Variants in MAD1L1 observed in about 807,000 individuals in gnomAD.
MAD1L1 encodes mitotic spindle assembly checkpoint protein MAD1.
A neutral mutation model predicts 96.9 loss-of-function variants in MAD1L1; 95 were observed. The ratio of observed to expected loss-of-function variants is 0.98; its 90% confidence interval spans 0.83 to 1.16. The LOEUF is 1.16. MAD1L1 is among the 50% of genes most tolerant of loss of function. The probability of loss-of-function intolerance (pLI) is 0.00; values close to 1 mark genes in which losing one functional copy is unlikely to be tolerated. For synonymous variants in MAD1L1, 473 were observed against 396.6 expected (o/e 1.19, Z -2.29); for missense variants, 1,007 against 954.4 (o/e 1.06, Z -0.73).
chr7:2,202,941 T>C (rs563899789), intron 10 of MAD1L1, among the ~76,000 whole-genome samples: 2 of 152,322 alleles, frequency 1.3e-5, no homozygotes, highest in Admixed American at 1.3e-4. Context: ...AGGTCAGCAC[T>C]GACAGGTGCC....
chr7:2,200,315 G>A (rs73289799), intron 10 of MAD1L1: 4,042 of 152,562 alleles, frequency 0.026, 169 homozygotes, highest in African/African-American at 0.092. Flanking sequence ...CCCACCAGAC[G>A]AAAGTCCCAT....
chr7:2,043,301 C>G (rs751914220), intron 12 of MAD1L1, among the ~76,000 whole-genome samples: 1 of 152,224 alleles, frequency 6.6e-6, no homozygotes, highest in Non-Finnish European at 1.5e-5. Flanking sequence ...TCCTGTGGTT[C>G]CCCTCCTGAC....
chr7:1,943,775 C>T (rs556008402), intron 16 of MAD1L1, among the ~76,000 whole-genome samples: 10 of 152,092 alleles, frequency 6.6e-5, no homozygotes, highest in East Asian at 1.9e-4. Context: ...CAGACTCGTC[C>T]GTGAATGTTC....
In MAD1L1 at chr7:2,088,883, T is replaced by G. The variant is rs1346931841; in HGVS notation, c.1074-19545A>C. On this transcript the variant is annotated intron_variant, in intron 11 of 18. Transcript: ENST00000265854. This position sits in a 1 kb window ranked among gnomAD's most constrained non-coding sequence, Gnocchi z 4.4. ...ACCCTCTGCCACCGACCCGCACGCC[T>G]CCCACACAAGCTGCCAGGCCCACGG... is the stretch of plus-strand genomic sequence containing the variant. 1 of 152,202 alleles carries G rather than the reference T, an allele frequency of 6.6e-6. No homozygotes were observed. Among genetic ancestry groups the G allele is most frequent in the African/African-American group, 2.4e-5 (1 of 41,416 alleles). The allele number at this position is 152,202 out of a possible 1,614,324, so 9.4% of individuals were successfully genotyped here. A position where few individuals can be genotyped will look rare whatever the true frequency, so the allele number is the denominator to read the frequency against.
At chr7:2,026,826 A>C (rs981283197) in intron 12 of MAD1L1, among the ~76,000 whole-genome samples, 3 of 152,242 alleles carry the variant, frequency 2.0e-5, no homozygotes, top group African/African-American at 7.2e-5. Context: ...TAACACAAGA[A>C]AGGATAAATA....
chr7:2,220,939 C>A, intron 5 of MAD1L1: 3 of 1,612,420 alleles, frequency 1.9e-6, no homozygotes, highest in Non-Finnish European at 2.5e-6. Flanking sequence ...CACAGGGTCA[C>A]CCGTGTTGTA....
At chr7:1,871,693 AACACCTGCCACGCTGAAGCCAACAT>A (rs1562477215) in intron 18 of MAD1L1, among the ~76,000 whole-genome samples, 14 of 145,328 alleles carry the variant, frequency 9.6e-5, no homozygotes, top group Admixed American at 6.9e-4. Context: ...AACCCAACAT[AACACCTGCCACGCTGAAGCCAACAT>A]ACACCTGCCA....
At chr7:1,830,926 G>A (rs1383442988) in intron 18 of MAD1L1, among the ~76,000 whole-genome samples, 1 of 152,158 alleles carries the variant, frequency 6.6e-6, no homozygotes, top group Non-Finnish European at 1.5e-5. Flanking sequence ...AATGTAAATG[G>A]CCCAGTGAAA....
chr7:1,856,471 C>T (rs1784259325), intron 18 of MAD1L1, among the ~76,000 whole-genome samples: 2 of 152,244 alleles, frequency 1.3e-5, no homozygotes, highest in Admixed American at 1.3e-4. Flanking sequence ...GAGCACCGCC[C>T]ACCCCCACAG....
intron 10 of MAD1L1, among the ~76,000 whole-genome samples, chr7:2,198,896 C>T (rs912302481): frequency 2.6e-5 from 4 of 152,256 alleles, no homozygotes; most frequent in African/African-American, 9.6e-5. Flanking sequence ...GGTTCCAAAG[C>T]TCCAGCCACT....
chr7:1,976,103 T>G (rs1452431769), intron 15 of MAD1L1, among the ~76,000 whole-genome samples: 1 of 152,206 alleles, frequency 6.6e-6, no homozygotes, highest in African/African-American at 2.4e-5. Flanking sequence ...GTCATTCACA[T>G]ACAACAAATA....
chr7:1,843,541 G>A (rs1056505409), intron 18 of MAD1L1, among the ~76,000 whole-genome samples: 1 of 152,182 alleles, frequency 6.6e-6, no homozygotes, highest in Non-Finnish European at 1.5e-5. Context: ...AAGTGCAATT[G>A]GTTAGTCACG....
chr7:1,858,368 G>C (rs551059477), intron 18 of MAD1L1, among the ~76,000 whole-genome samples: 17 of 152,376 alleles, frequency 1.1e-4, no homozygotes, highest in African/African-American at 4.1e-4. Context: ...AATGGCTTTT[G>C]TTTTTGCCTT....
At chr7:1,875,485 A>C in intron 18 of MAD1L1, among the ~76,000 whole-genome samples, 1 of 152,132 alleles carries the variant, frequency 6.6e-6, no homozygotes, top group Admixed American at 6.5e-5. Context: ...CACACCCTCC[A>C]CTGGCTGCTC....
intron 18 of MAD1L1, among the ~76,000 whole-genome samples, chr7:1,823,901 C>T (rs1782253159): frequency 6.6e-6 from 1 of 151,098 alleles, no homozygotes; most frequent in Non-Finnish European, 1.5e-5. Flanking sequence ...AAGCCCAATC[C>T]TCCTGTCATT....
intron 18 of MAD1L1, among the ~76,000 whole-genome samples, chr7:1,823,106 T>C (rs1782213867): frequency 6.6e-6 from 1 of 152,102 alleles, no homozygotes; most frequent in Non-Finnish European, 1.5e-5. Flanking sequence ...TATGACCCTA[T>C]TAATCGATAC....
At chr7:1,967,519 C>A (rs760309981) in intron 15 of MAD1L1, among the ~76,000 whole-genome samples, 1 of 152,178 alleles carries the variant, frequency 6.6e-6, no homozygotes, top group Non-Finnish European at 1.5e-5. Context: ...GCAAACACTA[C>A]GGTAAAGGCA....
At position 1,976,388 on chromosome 7, in the gene MAD1L1, C is replaced by G. The variant is rs142115518; in HGVS notation, c.1505+4065G>C. Among the ~76,000 whole-genome samples, 250 of 152,350 alleles carry G rather than the reference C, an allele frequency of 1.6e-3. 1 individual carries two copies. The highest frequency in any genetic ancestry group is 5.7e-3 in the African/African-American group (237 of 41,582). Reference sequence around the variant, plus strand: ...GGTCTTGCTGGCTTCAGGAGTGAAGCTGCAGACCTTCATGGTGAGTGTTAC... The same window carrying G: ...GGTCTTGCTGGCTTCAGGAGTGAAGGTGCAGACCTTCATGGTGAGTGTTAC... On this transcript the variant is annotated intron_variant, in intron 15 of 18. Transcript: ENST00000265854.
intron 17 of MAD1L1, among the ~76,000 whole-genome samples, chr7:1,919,213 G>C: frequency 6.6e-6 from 1 of 152,256 alleles, no homozygotes. Flanking sequence ...GATGCAGAGA[G>C]AAAAGGGTCC....
Sources: gnomAD v4.1 joint callset for allele counts (sites outside exome capture counted in the v4.1 genomes callset) on GRCh38, gnomAD v4.1.1 for gene constraint, Gnocchi (gnomAD v3.1) non-coding constraint, MANE v1.5 for transcripts, NCBI Gene and HGNC (gene_info 2026-07-23, HGNC 2026-07-21) for gene names.